The following PPARGC1B variants were observed in gnomAD, a reference collection of about 807,000 sequenced individuals.
PPARGC1B encodes PPARG coactivator 1 beta.
In PPARGC1B, 34 loss-of-function variants were observed where a neutral mutation model predicts 101.6. That is an observed-to-expected ratio of 0.33 (90% confidence interval 0.25 to 0.45). PPARGC1B has a LOEUF of 0.45. Among genes scored for constraint, PPARGC1B ranks in the 20% least tolerant of loss-of-function variants. The pLI is 1.00. For missense variants in PPARGC1B, 1,234 were observed against 1,317.6 expected (o/e 0.94, Z 0.98); for synonymous variants, 548 against 539.3 (o/e 1.02, Z -0.22).
intron 11 of PPARGC1B, chr5:149,846,644 A>G (rs1449259989): frequency 2.4e-4 from 2 of 8,330 alleles, no homozygotes; most frequent in African/African-American, 3.4e-3. Flanking sequence ...AAAAGGAAAG[A>G]AAAAAAAAAA....
intron 1 of PPARGC1B, among the ~76,000 whole-genome samples, chr5:149,794,123 A>G (rs1428620330): frequency 6.6e-6 from 1 of 152,200 alleles, no homozygotes; most frequent in Non-Finnish European, 1.5e-5. Flanking sequence ...TTACAGAAGA[A>G]GTTGCCAACT....
chr5:149,782,233 C>T lies in PPARGC1B; in HGVS notation c.79-38200C>T, dbSNP rs140153302. On this transcript the variant is annotated intron_variant, in intron 1 of 11. Coordinates refer to ENST00000309241, the MANE Select transcript of PPARGC1B (RefSeq NM_133263.4). ...GGTTGGGTGGCCCTGGCTTGGGAGTCGGATCCCTGTCACTCATTTACTGTG... is the reference window on the plus strand; with the variant it reads ...GGTTGGGTGGCCCTGGCTTGGGAGTTGGATCCCTGTCACTCATTTACTGTG... Among the ~76,000 whole-genome samples, 1,409 of 152,152 alleles carry T rather than the reference C, an allele frequency of 9.3e-3. 7 individuals carry two copies. The highest frequency in any genetic ancestry group is 0.015 in the Non-Finnish European group (1,007 of 67,980).
intron 1 of PPARGC1B, among the ~76,000 whole-genome samples, chr5:149,809,448 GATAGATAGATAGATAGATCCATCTCTACC>G (rs1757754222): frequency 1.5e-5 from 2 of 135,126 alleles, no homozygotes; most frequent in Admixed American, 8.0e-5. Flanking sequence ...ACCATAGATA[GATAGATAGATAGATAGATCCATCTCTACC>G]ATAGATAGAT....
rs773004092 is a variant in PPARGC1B at position 149,842,267 on chromosome 5, C to T, written c.2706C>T (p.Arg902=). The change falls in exon 10 of 12, where the codon CGC becomes CGT. Residue 902 remains arginine, a synonymous_variant. Transcript: ENST00000309241. ...KRREKAIGEG[R]VVYIQNLSSD... The stretch of plus-strand genomic sequence containing the variant: ...TCCTTCTTGGGCAGGGGGAAGGCCG[C>T]GTGGTGTACATTCAAAATCTCTCCA... 17 of 1,613,466 alleles carry T rather than the reference C, an allele frequency of 1.1e-5. No individual in the cohort carries two copies. The highest frequency in any genetic ancestry group is 3.3e-5 in the South Asian group (3 of 91,054).
In PPARGC1B at chr5:149,853,032, G is replaced by C. The variant is rs910563353; in HGVS notation, c.*5474G>C. The stretch of plus-strand genomic sequence containing the variant: ...GGCTGTGCAACAACTCCTCAAAGAG[G>C]GGTTTATATAACTAGAACCCCCCTG... On this transcript the variant is annotated 3_prime_UTR_variant, in exon 12 of 12. Transcript: ENST00000309241. This position sits in a 1 kb window ranked among gnomAD's most constrained non-coding sequence, Gnocchi z 4.2. 2 of 152,058 alleles carry C rather than the reference G, an allele frequency of 1.3e-5. No homozygotes were observed. The highest frequency in any genetic ancestry group is 1.3e-4 in the Admixed American group (2 of 15,266). The allele number at this position is 152,058 out of a possible 1,614,324, so 9.4% of individuals were successfully genotyped here.
At chr5:149,737,129 T>C (rs1259341565) in intron 1 of PPARGC1B, among the ~76,000 whole-genome samples, 1 of 152,230 alleles carries the variant, frequency 6.6e-6, no homozygotes. Flanking sequence ...GTTTTGCCTT[T>C]TCCAGAATGT....
chr5:149,812,115 C>T (rs1757887344), intron 1 of PPARGC1B, among the ~76,000 whole-genome samples: 1 of 152,198 alleles, frequency 6.6e-6, no homozygotes, highest in Non-Finnish European at 1.5e-5. Flanking sequence ...AGCCTGAACC[C>T]GGATGCTTCC....
intron 1 of PPARGC1B, among the ~76,000 whole-genome samples, chr5:149,804,997 G>A (rs1024135622): frequency 4.6e-5 from 7 of 152,186 alleles, no homozygotes; most frequent in African/African-American, 7.2e-5. Flanking sequence ...GAGAGTGAGC[G>A]ATGAGCCCTG....
At position 149,735,126 on chromosome 5, in the gene PPARGC1B, T is replaced by C. The variant is rs527959381; in HGVS notation, c.78+4706T>C. ...TCACTGGGTGCATTTGCCCATTCTT[T>C]ATCTGTGTGAGACTTAGGGAGAGTA... On this transcript the variant is annotated intron_variant, in intron 1 of 11. Transcript: ENST00000309241. Among the ~76,000 whole-genome samples the C allele has an allele frequency of 2.6e-5, 4 of 152,340 alleles. No homozygotes were observed. In the East Asian group the frequency reaches 7.7e-4, roughly 29 times the overall value.
intron 1 of PPARGC1B, among the ~76,000 whole-genome samples, chr5:149,747,689 C>T (rs1755139870): frequency 6.6e-6 from 1 of 152,244 alleles, no homozygotes; most frequent in African/African-American, 2.4e-5. Flanking sequence ...TCCAGCACTG[C>T]TCTTTGTCCC....
Position 149,854,318 on chromosome 5 carries a change from G to A in PPARGC1B, c.*6760G>A, listed in dbSNP as rs1175260875. On this transcript the variant is annotated 3_prime_UTR_variant, in exon 12 of 12. Transcript: ENST00000309241. ...CCTGAGTGCGTGAGTGTAAGGCTGT[G>A]TTTGTGGTGGGGGTGTGTGTGTGTG... 1.3e-5 allele frequency: 2 copies of A among 151,890 alleles called. No homozygotes were observed. The highest frequency in any genetic ancestry group is 4.8e-5 in the African/African-American group (2 of 41,306). The allele number at this position is 151,890 out of a possible 1,614,324, so 9.4% of individuals were successfully genotyped here.
At chr5:149,773,788 G>A (rs1756245217) in intron 1 of PPARGC1B, among the ~76,000 whole-genome samples, 2 of 152,134 alleles carry the variant, frequency 1.3e-5, no homozygotes, top group African/African-American at 4.8e-5. Flanking sequence ...GGGAGGCTCA[G>A]CTCCCATCCC....
chr5:149,744,430 G>C (rs1371239508), intron 1 of PPARGC1B, among the ~76,000 whole-genome samples: 2 of 152,104 alleles, frequency 1.3e-5, no homozygotes, highest in East Asian at 3.8e-4. Flanking sequence ...GGGGCTGAGG[G>C]GTCCTGCACA....
At position 149,849,819 on chromosome 5, in the gene PPARGC1B, T is replaced by A. The variant is rs1759705625; in HGVS notation, c.*2261T>A. 6.6e-6 allele frequency: 1 copy of A among 152,192 alleles called. No individual in the cohort carries two copies. The highest frequency in any genetic ancestry group is 6.5e-5 in the Admixed American group (1 of 15,276). The allele number at this position is 152,192 out of a possible 1,614,324, so 9.4% of individuals were successfully genotyped here. On this transcript the variant is annotated 3_prime_UTR_variant, in exon 12 of 12. Coordinates refer to ENST00000309241, the MANE Select transcript of PPARGC1B (RefSeq NM_133263.4). ...GAGGGTGCAGGGGGCGGTAGACGAA[T>A]GACAGACAGGAACATATTTGGGGAA...
intron 1 of PPARGC1B, among the ~76,000 whole-genome samples, chr5:149,732,097 G>A (rs1211067892): frequency 6.6e-6 from 1 of 151,746 alleles, no homozygotes; most frequent in East Asian, 1.9e-4. Flanking sequence ...GCGCGCGCCG[G>A]GCGCGTACCT....
intron 1 of PPARGC1B, among the ~76,000 whole-genome samples, chr5:149,785,646 G>A (rs1266928706): frequency 6.6e-6 from 1 of 152,186 alleles, no homozygotes; most frequent in African/African-American, 2.4e-5. Flanking sequence ...CCCAGTCCCC[G>A]TTCTTCATGC....
chr5:149,771,975 A>G (rs1756149019), intron 1 of PPARGC1B: 1 of 1,385,724 alleles, frequency 7.2e-7, no homozygotes, highest in South Asian at 1.6e-5. Context: ...ACTCTGAATT[A>G]GTTGCTGTTA....
At chr5:149,813,249 A>G (rs1757929712) in intron 1 of PPARGC1B, among the ~76,000 whole-genome samples, 1 of 152,216 alleles carries the variant, frequency 6.6e-6, no homozygotes, top group African/African-American at 2.4e-5. Flanking sequence ...TTTAAGAAGA[A>G]TAACTTGCCT....
At chr5:149,839,273 G>T (rs140696730) in intron 8 of PPARGC1B, among the ~76,000 whole-genome samples, 22 of 152,318 alleles carry the variant, frequency 1.4e-4, no homozygotes, top group African/African-American at 5.1e-4. Flanking sequence ...AGTTGAGAGG[G>T]CTTCTGTAAC....
Sources: allele counts gnomAD v4.1 joint callset (sites outside exome capture counted in the v4.1 genomes callset), GRCh38; gene constraint gnomAD v4.1.1; non-coding constraint Gnocchi (gnomAD v3.1); transcripts MANE v1.5; gene names NCBI Gene and HGNC (gene_info 2026-07-23, HGNC 2026-07-21).